The following SCHIP1 variants were observed in gnomAD, a reference collection of about 807,000 sequenced individuals.
SCHIP1 encodes the protein schwannomin-interacting protein 1.
In SCHIP1, 8 loss-of-function variants were observed where a neutral mutation model predicts 29.7. That is an observed-to-expected ratio of 0.27 (90% CI 0.16 to 0.49). The LOEUF (loss-of-function observed/expected upper bound fraction) is 0.49, where lower values mean the gene tolerates loss of function less well. Ranked by LOEUF, SCHIP1 falls within the 20% of genes least tolerant of loss-of-function variation. SCHIP1 has a pLI of 0.99. For missense variants in SCHIP1, 193 were observed against 294.6 expected (o/e 0.66, Z 2.52); for synonymous variants, 76 against 94.9 (o/e 0.80, Z 1.16).
chr3:159,820,687 A>G, the SCHIP1 span, among the ~76,000 whole-genome samples: 2 of 152,274 alleles, frequency 1.3e-5, no homozygotes, highest in East Asian at 1.9e-4. Flanking sequence ...TTTAGGCATG[A>G]TACCTTTAAG....
the SCHIP1 span, among the ~76,000 whole-genome samples, chr3:159,351,879 G>A: frequency 0.19 from 29,276 of 152,066 alleles, 2,994 homozygotes; most frequent in Middle Eastern, 0.29. Flanking sequence ...CTAGGGCAGA[G>A]TAAGGCAAGA....
the SCHIP1 span, among the ~76,000 whole-genome samples, chr3:159,377,716 C>A: frequency 6.6e-6 from 1 of 152,186 alleles, no homozygotes; most frequent in East Asian, 1.9e-4. Flanking sequence ...ATATTTTTAT[C>A]TCTTCATCAT....
chr3:159,833,168 CA>C, the SCHIP1 span, among the ~76,000 whole-genome samples: 1 of 152,194 alleles, frequency 6.6e-6, no homozygotes, highest in African/African-American at 2.4e-5. Context: ...CTTAAATCAA[CA>C]CAAATTTATT....
chr3:159,691,969 G>C, the SCHIP1 span, among the ~76,000 whole-genome samples: 2 of 149,764 alleles, frequency 1.3e-5, no homozygotes, highest in African/African-American at 4.9e-5. Flanking sequence ...AGAGAGATCT[G>C]CTCTTAGTCT....
chr3:159,567,342 C>A, the SCHIP1 span, among the ~76,000 whole-genome samples: 1 of 152,116 alleles, frequency 6.6e-6, no homozygotes, highest in Non-Finnish European at 1.5e-5. Context: ...TTTAATGTAT[C>A]AAATTTGTTT....
chr3:159,798,461 A>G, the SCHIP1 span, among the ~76,000 whole-genome samples: 4 of 152,094 alleles, frequency 2.6e-5, no homozygotes, highest in Non-Finnish European at 5.9e-5. Context: ...CTTTGTTTTC[A>G]TAACAGCCAA....
chr3:159,685,276 A>G, the SCHIP1 span, among the ~76,000 whole-genome samples: 1 of 152,232 alleles, frequency 6.6e-6, no homozygotes, highest in Non-Finnish European at 1.5e-5. Context: ...GACTTATTAA[A>G]GTAATTAATT....
At chr3:159,340,878 G>A in the SCHIP1 span, among the ~76,000 whole-genome samples, 1 of 152,134 alleles carries the variant, frequency 6.6e-6, no homozygotes, top group African/African-American at 2.4e-5. Context: ...TTTTTCTAGA[G>A]TAGGAACCTA....
chr3:159,760,957 G>A, the SCHIP1 span, among the ~76,000 whole-genome samples: 1 of 152,194 alleles, frequency 6.6e-6, no homozygotes, highest in Non-Finnish European at 1.5e-5. Flanking sequence ...GAGTGTCACG[G>A]GCACGTGCGA....
the SCHIP1 span, chr3:159,764,748 G>T: frequency 6.4e-7 from 1 of 1,572,542 alleles, no homozygotes. This position sits in a 1 kb window ranked among gnomAD's most constrained non-coding sequence, Gnocchi z 6.1. Context: ...GGGAACCGGG[G>T]GACGTAAGCG....
chr3:159,315,201 T>C, the SCHIP1 span, among the ~76,000 whole-genome samples: 2 of 144,146 alleles, frequency 1.4e-5, no homozygotes, highest in Non-Finnish European at 3.0e-5. Flanking sequence ...GGACTTCTTT[T>C]TTTTTTTTTT....
intron 6 of SCHIP1, chr3:159,892,820 A>AG (rs1299901427): frequency 6.5e-6 from 1 of 152,672 alleles, no homozygotes; most frequent in African/African-American, 2.4e-5. Context: ...ATTTCCTTGC[A>AG]GGAAAGCATG....
At chr3:159,428,083 A>T in the SCHIP1 span, among the ~76,000 whole-genome samples, 1 of 152,146 alleles carries the variant, frequency 6.6e-6, no homozygotes, top group Non-Finnish European at 1.5e-5. Context: ...ACCTAAAACC[A>T]TAAAAACCCT....
chr3:159,321,678 C>T, the SCHIP1 span, among the ~76,000 whole-genome samples: 8 of 151,956 alleles, frequency 5.3e-5, no homozygotes, highest in Admixed American at 1.3e-4. Context: ...TGCTAAATGA[C>T]GAGTTATTTA....
intron 1 of SCHIP1, among the ~76,000 whole-genome samples, chr3:159,856,962 C>T (rs944531753): frequency 6.6e-6 from 1 of 152,182 alleles, no homozygotes; most frequent in African/African-American, 2.4e-5. Flanking sequence ...CATTAACCCT[C>T]ACGTCTTCCT....
At chr3:159,316,157 G>C in the SCHIP1 span, among the ~76,000 whole-genome samples, 4 of 151,912 alleles carry the variant, frequency 2.6e-5, no homozygotes, top group East Asian at 3.9e-4. Context: ...TATTAGTCAG[G>C]GTTCTCTTAG....
chr3:159,895,164 C>A (rs1717938327), intron 6 of SCHIP1, among the ~76,000 whole-genome samples: 1 of 152,206 alleles, frequency 6.6e-6, no homozygotes, highest in African/African-American at 2.4e-5. Context: ...ATAAGATGGT[C>A]TGCTAAAGGG....
At chr3:159,544,232 A>G in the SCHIP1 span, among the ~76,000 whole-genome samples, 1 of 152,046 alleles carries the variant, frequency 6.6e-6, no homozygotes, top group African/African-American at 2.4e-5. Context: ...GTCCACATTA[A>G]TGAGATTACT....
the SCHIP1 span, among the ~76,000 whole-genome samples, chr3:159,527,329 G>A: frequency 2.0e-5 from 3 of 152,120 alleles, no homozygotes; most frequent in Non-Finnish European, 4.4e-5. Context: ...GAAAAACAGG[G>A]CCTCTGTCAG....
Sources: allele counts gnomAD v4.1 joint callset (sites outside exome capture counted in the v4.1 genomes callset), GRCh38; gene constraint gnomAD v4.1.1; non-coding constraint Gnocchi (gnomAD v3.1); transcripts MANE v1.5; gene names NCBI Gene and HGNC (gene_info 2026-07-23, HGNC 2026-07-21).